Variants in CPSF7 observed in about 807,000 individuals in gnomAD.
CPSF7 encodes the protein cleavage and polyadenylation specificity factor subunit 7.
In CPSF7, 1 loss-of-function variant was observed where a neutral mutation model predicts 44.3. The observed-to-expected ratio is 0.02, with a 90% confidence interval of 0.01 to 0.11. The LOEUF is 0.11. Among genes scored for constraint, CPSF7 ranks in the 10% least tolerant of loss-of-function variants. The pLI, the probability that CPSF7 is intolerant of heterozygous loss-of-function variation, is 1.00. For synonymous variants in CPSF7, 202 were observed against 222.0 expected, an observed-to-expected ratio of 0.91 and a Z score of 0.80; for missense variants, 443 against 607.2, an observed-to-expected ratio of 0.73 and a Z score of 2.84.
At chr11:61,429,742 T>A in intron 1 of CPSF7, 172 bp downstream of exon 1, 5 of 1,511,260 alleles carry the variant, frequency 3.3e-6, no homozygotes, top group Non-Finnish European at 4.4e-6. Flanking sequence ...CCCGCCCCGC[T>A]CCCTCCCGAC....
At chr11:61,427,909 T>G (rs953761840) in intron 2 of CPSF7, among the ~76,000 whole-genome samples, 18 of 152,172 alleles carry the variant, frequency 1.2e-4, no homozygotes, top group African/African-American at 4.1e-4. Context: ...ATAAATGGCA[T>G]GTATCCGCCT....
intron 2 of CPSF7, among the ~76,000 whole-genome samples, chr11:61,424,421 C>G (rs1861169253): frequency 6.6e-6 from 1 of 152,162 alleles, no homozygotes; most frequent in Admixed American, 6.5e-5. Flanking sequence ...CCATCCAATG[C>G]TCAAATCCTT....
In CPSF7 at chr11:61,415,792, G is replaced by A. The variant is rs772442908; in HGVS notation, c.939-8C>T. ...GGAGGGCCCGAATCTCGGCTGTACA[G>A]AGAAAATACCATCCTTGATTGCTCA... On this transcript the variant is annotated splice_region_variant and splice_polypyrimidine_tract_variant and intron_variant, in intron 6 of 9. Transcript: ENST00000439958. 2 of 1,553,008 alleles carry A rather than the reference G, an allele frequency of 1.3e-6. No individual in the cohort carries two copies. Among genetic ancestry groups the A allele is most frequent in the Non-Finnish European group, 8.9e-7 (1 of 1,124,516 alleles).
At chr11:61,428,927 G>A (rs913061266) in intron 2 of CPSF7, 3 of 280,738 alleles carry the variant, frequency 1.1e-5, no homozygotes, top group African/African-American at 6.5e-5. Context: ...AAATTCCACA[G>A]GTTGATTCAC....
intron 9 of CPSF7, among the ~76,000 whole-genome samples, chr11:61,406,454 C>A (rs1859328038): frequency 6.6e-6 from 1 of 152,212 alleles, no homozygotes; most frequent in East Asian, 1.9e-4. Context: ...TTGGTCACTA[C>A]AGATGGAATT....
intron 4 of CPSF7, 42 bp downstream of exon 4, chr11:61,420,428 A>G (rs1860755772): frequency 6.6e-7 from 1 of 1,507,040 alleles, no homozygotes; most frequent in Non-Finnish European, 9.2e-7. Context: ...TTTTATCCCA[A>G]TGGTTACAAA....
intron 1 of CPSF7, 34 bp downstream of exon 1, chr11:61,429,880 G>A: frequency 6.5e-7 from 1 of 1,528,186 alleles, no homozygotes. Flanking sequence ...CCCTCTTCCG[G>A]CCCAACCTGC....
chr11:61,420,831 G>A, intron 3 of CPSF7: 1 of 538,424 alleles, frequency 1.9e-6, no homozygotes, highest in Non-Finnish European at 3.3e-6. Flanking sequence ...GGGCTGGCTG[G>A]TCATCAGTTC....
chr11:61,408,016 T>C (rs1404752492), intron 9 of CPSF7, among the ~76,000 whole-genome samples: 2 of 151,842 alleles, frequency 1.3e-5, no homozygotes, highest in African/African-American at 4.8e-5. Flanking sequence ...CCTTTTCAAT[T>C]ACCATTACTT....
At chr11:61,429,136 C>T (rs1861683198) in intron 2 of CPSF7, 46 bp downstream of exon 2, 9 of 1,125,704 alleles carry the variant, frequency 8.0e-6, no homozygotes, top group African/African-American at 1.5e-5. Flanking sequence ...GAAAATGATT[C>T]CTCAGATGAT....
chr11:61,425,375 AC>A (rs1317253199), intron 2 of CPSF7, among the ~76,000 whole-genome samples: 5 of 152,252 alleles, frequency 3.3e-5, no homozygotes, highest in Admixed American at 3.3e-4. Flanking sequence ...AGTGAAAAGT[AC>A]ATTTTACATG....
intron 9 of CPSF7, among the ~76,000 whole-genome samples, chr11:61,410,264 T>C (rs1368380147): frequency 9.2e-5 from 14 of 151,662 alleles, no homozygotes. Flanking sequence ...TTTGTATTTT[T>C]TGTAGAGACA....
Position 61,415,691 on chromosome 11 carries a change from G to A in CPSF7, c.1032C>T (p.Ser344=), listed in dbSNP as rs1165747288. 1.2e-6 allele frequency: 2 copies of A among 1,613,160 alleles called. No homozygotes were observed. Among genetic ancestry groups the A allele is most frequent in the Non-Finnish European group, 8.5e-7 (1 of 1,179,104 alleles). Residue 344 remains serine (S), a synonymous_variant, in exon 7 of 10, where the codon TCC becomes TCT. Coordinates refer to ENST00000439958, the MANE Select transcript of CPSF7 (RefSeq NM_001142565.3). ...RNRAISSSAI[S]KAVSGASAGD... is the part of the protein sequence containing the mutation. ...CTGCACTGGCTCCAGATACTGCTTT[G>A]GAAATGGCACTGCTGGAAATTGCTC... is the stretch of plus-strand genomic sequence containing the variant.
intron 7 of CPSF7, among the ~76,000 whole-genome samples, chr11:61,414,357 A>G (rs1860124554): frequency 6.6e-6 from 1 of 152,058 alleles, no homozygotes; most frequent in Non-Finnish European, 1.5e-5. Flanking sequence ...GGGTTTTGCC[A>G]TGCTGGTCTC....
Position 61,416,123 on chromosome 11 carries a change from G to T in CPSF7, c.920C>A (p.Pro307His). The T allele has an allele frequency of 6.7e-7, 1 of 1,502,344 alleles. No homozygotes were observed. The highest frequency in any genetic ancestry group is 2.4e-5 in the Admixed American group (1 of 41,814). 93.1% of individuals were successfully genotyped at this position (1,502,344 alleles called of 1,614,324 possible). ...PPDTYMKASA[P>H]YNHHGSRDSG... ...TCCTTACCTGCCATGGTGGTTATAG[G>T]GGGCAGAGGCCTTCATGTAAGTATC... The change falls in exon 6 of 10, where the codon CCC (proline) becomes CAC (histidine). Residue 307 changes from proline to histidine, a missense_variant. By Grantham distance (77) the Pro-to-His change is moderately conservative. Coordinates refer to ENST00000439958, the MANE Select transcript of CPSF7 (RefSeq NM_001142565.3).
chr11:61,429,966 A>AACGCTCT lies in CPSF7; in HGVS notation c.-109_-108insAGAGCGT. 7.8e-7 allele frequency: 1 copy of AACGCTCT among 1,284,068 alleles called. No homozygotes were observed. Among genetic ancestry groups the AACGCTCT allele is most frequent in the Admixed American group, 2.5e-5 (1 of 39,584 alleles). The allele number at this position is 1,284,068 out of a possible 1,614,324, so 79.5% of individuals were successfully genotyped here. A position where few individuals can be genotyped will look rare whatever the true frequency, so the allele number is the denominator to read the frequency against. ...TCCGGACTAGGCCCGAAGCGCGCGA[A>AACGCTCT]CCGCTCTCCGCCCCAGGTCCCGCCC... On this transcript the variant is annotated 5_prime_UTR_variant, in exon 1 of 10. Coordinates refer to ENST00000439958, the MANE Select transcript of CPSF7 (RefSeq NM_001142565.3).
intron 5 of CPSF7, 52 bp from the exon 6 acceptor site, chr11:61,416,571 C>G (rs777920554): frequency 3.8e-6 from 6 of 1,567,642 alleles, no homozygotes; most frequent in Non-Finnish European, 5.3e-6. Context: ...CACAAACCCA[C>G]AGGACCAGTT....
intron 1 of CPSF7, 155 bp downstream of exon 1, chr11:61,429,759 G>C (rs1298878712): frequency 1.3e-6 from 2 of 1,528,332 alleles, no homozygotes; most frequent in South Asian, 1.2e-5. Context: ...CGACAAACCC[G>C]GCCCGGCGCG....
rs557493462 is a variant in CPSF7, at chr11:61,413,118, TCTCA to T, written c.1058-1185_1058-1182del. On this transcript the variant is annotated intron_variant, in intron 7 of 9. Coordinates refer to ENST00000439958, the MANE Select transcript of CPSF7 (RefSeq NM_001142565.3). ...TCAAAAATTTTTTGTAGAGATGGGG[TCTCA>T]CTATGTTGACCAGGCTGGTCTTGAA... is the stretch of plus-strand genomic sequence containing the variant. Among the ~76,000 whole-genome samples the T allele has an allele frequency of 1.4e-3, 210 of 151,968 alleles. 1 individual carries two copies. Among genetic ancestry groups the T allele is most frequent in the Non-Finnish European group, 2.0e-3 (138 of 67,968 alleles).
Sources: gnomAD v4.1 joint callset for allele counts (sites outside exome capture counted in the v4.1 genomes callset) on GRCh38, gnomAD v4.1.1 for gene constraint, MANE v1.5 for transcripts, NCBI Gene and HGNC (gene_info 2026-07-23, HGNC 2026-07-21) for gene names.